The following KCP variants were observed in gnomAD, a reference collection of about 807,000 sequenced individuals.
The protein encoded by KCP is kielin/chordin-like protein.
Under a neutral mutation model 212.7 loss-of-function variants are expected in KCP, and 194 were observed. The ratio of observed to expected loss-of-function variants is 0.91; its 90% CI spans 0.81 to 1.03. KCP has a LOEUF of 1.03. Among genes scored for constraint, KCP ranks in the 50% least tolerant of loss-of-function variants. KCP has a pLI of 0.00. For missense variants in KCP, 2,080 were observed against 2,162.5 expected, an observed-to-expected ratio of 0.96 and a Z score of 0.76; for synonymous variants, 833 against 865.3, an observed-to-expected ratio of 0.96 and a Z score of 0.65.
intron 8 of KCP, among the ~76,000 whole-genome samples, chr7:128,897,219 G>A (rs2128948904): frequency 6.6e-6 from 1 of 152,328 alleles, no homozygotes; most frequent in Admixed American, 6.5e-5. Flanking sequence ...CACAGGCTTA[G>A]GACACCTGTA....
chr7:128,905,479 T>G (rs1418832371), intron 5 of KCP, among the ~76,000 whole-genome samples: 1 of 152,118 alleles, frequency 6.6e-6, no homozygotes. Flanking sequence ...GCCTCCACTA[T>G]TCCAGGGGAC....
Position 128,879,732 on chromosome 7 carries a change from C to T in KCP, c.4030G>A (p.Asp1344Asn), listed in dbSNP as rs1054631882. The stretch of plus-strand genomic sequence containing the variant: ...GCTTTGCTCACCGTGACTGCCCCGT[C>T]CTGCAGCAGCCGCACGGCCATGTCT... ...LGDMAVRLLQ[D>N]GAVTVDGHPV... The change falls in exon 36 of 40, where the codon GAC (aspartate) becomes AAC (asparagine). Residue 1344 changes from aspartate to asparagine, a missense_variant. Asp to Asn is a conservative substitution (Grantham distance 23, BLOSUM62 1). Transcript: ENST00000610776. 1.9e-6 allele frequency: 3 copies of T among 1,550,266 alleles called. No homozygotes were observed. Among genetic ancestry groups the T allele is most frequent in the Middle Eastern group, 1.7e-4 (1 of 5,992 alleles).
In KCP at chr7:128,907,096, C is replaced by T; in HGVS notation, c.486+5G>A. On this transcript the variant is annotated splice_donor_5th_base_variant and intron_variant, in intron 4 of 39. Coordinates refer to ENST00000610776, the MANE Select transcript of KCP (RefSeq NM_001366122.1). ...GGGATATCCAGGTAGGTCCTGGGAG[C>T]TTACCAGACAGCGGCAGGTGGTGCA... is the stretch of plus-strand genomic sequence containing the variant. 1 of 1,550,876 alleles carries T rather than the reference C, an allele frequency of 6.4e-7. No individual in the cohort carries two copies. Among genetic ancestry groups the T allele is most frequent in the African/African-American group, 1.4e-5 (1 of 73,156 alleles).
In KCP at chr7:128,890,350, G is replaced by A. The variant is rs1400617198; in HGVS notation, c.2328C>T (p.Asp776=). The change falls in exon 21 of 40, where the codon GAC becomes GAT. Residue 776 remains aspartate (D), a synonymous_variant. Transcript: ENST00000610776. ...CTATCCCATGACCCTCACCATCACA[G>A]TCAGGGCAGCAGTCGCCCCTGGCAG... ...PFPARGDCCP[D]CDGCEYLGES... is the part of the protein sequence containing the mutation. 2.6e-6 allele frequency: 4 copies of A among 1,551,530 alleles called. No homozygotes were observed. Among genetic ancestry groups the A allele is most frequent in the Non-Finnish European group, 3.5e-6 (4 of 1,146,990 alleles).
At chr7:128,889,388 C>T (rs937956683) in intron 21 of KCP, among the ~76,000 whole-genome samples, 1 of 152,168 alleles carries the variant, frequency 6.6e-6, no homozygotes, top group Non-Finnish European at 1.5e-5. Context: ...CCCCAGCTGA[C>T]TCAGGTGGTG....
Position 128,910,650 on chromosome 7 carries a change from C to A in KCP, c.27G>T (p.Leu9=). MAGVGAAA[L]SLLLHLGALA... ...GGGCCCCGAGGTGCAGGAGAAGGGA[C>A]AGCGCAGCGGCCCCGACCCCGGCCA... Residue 9 remains leucine, a synonymous_variant, in exon 1 of 40, where the codon CTG becomes CTT. Coordinates refer to ENST00000610776, the MANE Select transcript of KCP (RefSeq NM_001366122.1). 1 of 1,514,896 alleles carries A rather than the reference C, an allele frequency of 6.6e-7. No individual in the cohort carries two copies. The allele number at this position is 1,514,896 out of a possible 1,614,324, so 93.8% of individuals were successfully genotyped here. A position where few individuals can be genotyped will look rare whatever the true frequency, so the allele number is the denominator to read the frequency against.
At chr7:128,893,633 A>G (rs1362686913) in intron 11 of KCP, among the ~76,000 whole-genome samples, 157 bp from the exon 12 acceptor site, 1 of 152,028 alleles carries the variant, frequency 6.6e-6, no homozygotes, top group Non-Finnish European at 1.5e-5. Flanking sequence ...CAGCTATGCC[A>G]CAGAAGCGCA....
At chr7:128,882,783 AAAC>A (rs1187786923) in intron 29 of KCP, among the ~76,000 whole-genome samples, 1 of 151,922 alleles carries the variant, frequency 6.6e-6, no homozygotes, top group Non-Finnish European at 1.5e-5. Flanking sequence ...AACAAACAAA[AAAC>A]AGAAAAGTCG....
At chr7:128,877,334 G>T in intron 39 of KCP, 23 bp from the exon 40 acceptor site, 1 of 1,526,278 alleles carries the variant, frequency 6.6e-7, no homozygotes, top group Non-Finnish European at 8.8e-7. Flanking sequence ...TGGGAGGCGG[G>T]GTTACCAAGG....
At chr7:128,901,034 A>G (rs1245220530) in intron 8 of KCP, among the ~76,000 whole-genome samples, 1 of 152,162 alleles carries the variant, frequency 6.6e-6, no homozygotes, top group Non-Finnish European at 1.5e-5. Flanking sequence ...GGTCATAAAG[A>G]CCTTGCTGAT....
At chr7:128,903,027 A>C in intron 7 of KCP, 168 bp from the exon 8 acceptor site, 1 of 619,014 alleles carries the variant, frequency 1.6e-6, no homozygotes, top group South Asian at 1.9e-5. Context: ...CCAGTGCCCC[A>C]GGCAGGGTGA....
intron 8 of KCP, among the ~76,000 whole-genome samples, chr7:128,897,136 T>A (rs1430271355): frequency 6.6e-6 from 1 of 152,178 alleles, no homozygotes; most frequent in Admixed American, 6.5e-5. Flanking sequence ...AGTCTTAAGC[T>A]ATAGTGAATC....
chr7:128,895,275 G>GA (rs1431018626), intron 8 of KCP, among the ~76,000 whole-genome samples: 1 of 152,188 alleles, frequency 6.6e-6, no homozygotes, highest in African/African-American at 2.4e-5. Context: ...AAATGGACCT[G>GA]AAAAAATAGT....
intron 26 of KCP, 51 bp downstream of exon 26, chr7:128,886,413 G>A (rs1793646429): frequency 1.4e-6 from 2 of 1,449,470 alleles, no homozygotes; most frequent in Admixed American, 4.4e-5. Flanking sequence ...TGGACAGAGG[G>A]ACACAGGGCC....
chr7:128,877,716 G>A lies in KCP; in HGVS notation c.4386C>T (p.Tyr1462=), dbSNP rs372362406. 8 of 1,551,002 alleles carry A rather than the reference G, an allele frequency of 5.2e-6. No individual in the cohort carries two copies. Among genetic ancestry groups the A allele is most frequent in the Non-Finnish European group, 7.0e-6 (8 of 1,146,984 alleles). The change falls in exon 39 of 40, where the codon TAC becomes TAT. Residue 1462 remains tyrosine (Y), a synonymous_variant. Coordinates refer to ENST00000610776, the MANE Select transcript of KCP (RefSeq NM_001366122.1). ...REVDPCRAAG[Y]RARREANARC... ...GGGCATTGGCCTCACGCCTGGCACG[G>A]TAACCTGCTGCCCGGCACGGATCCA...
chr7:128,891,623 C>T (rs1039494653), intron 17 of KCP, 23 bp downstream of exon 17: 1 of 1,483,276 alleles, frequency 6.7e-7, no homozygotes, highest in Non-Finnish European at 9.0e-7. Flanking sequence ...TCCCAGAAGG[C>T]CGCCCTGACC....
chr7:128,888,503 C>T (rs1217543947), intron 22 of KCP, among the ~76,000 whole-genome samples: 1 of 151,262 alleles, frequency 6.6e-6, no homozygotes, highest in Admixed American at 6.6e-5. Context: ...CCCACACAGG[C>T]CAACACACAC....
At chr7:128,908,274 G>GAAAGAAAGAA (rs1229680193) in intron 2 of KCP, among the ~76,000 whole-genome samples, 152 bp downstream of exon 2, 1 of 149,900 alleles carries the variant, frequency 6.7e-6, no homozygotes, top group African/African-American at 2.5e-5. Context: ...AAGAAAGAAA[G>GAAAGAAAGAA]AAAGAAAGAA....
rs1429270900 is a variant in KCP, at chr7:128,877,325, G to C, written c.4619-14C>G. The C allele has an allele frequency of 4.6e-6, 7 of 1,526,580 alleles. No individual in the cohort carries two copies. In the Admixed American group the frequency reaches 1.6e-4, roughly 35 times the overall value. 94.6% of individuals were successfully genotyped at this position (1,526,580 alleles called of 1,614,324 possible). A position where few individuals can be genotyped will look rare whatever the true frequency, so the allele number is the denominator to read the frequency against. On this transcript the variant is annotated splice_polypyrimidine_tract_variant and intron_variant, in intron 39 of 39. Transcript: ENST00000610776. ...GGCAGCCTACCACTGCAGGGGGAGT[G>C]GGAGGCGGGGTTACCAAGGCACCTG...
Sources: allele counts gnomAD v4.1 joint callset (sites outside exome capture counted in the v4.1 genomes callset), GRCh38; gene constraint gnomAD v4.1.1; transcripts MANE v1.5; gene names NCBI Gene and HGNC (gene_info 2026-07-23, HGNC 2026-07-21).